OR51B5: variants seen among roughly 807,000 people sequenced by gnomAD.
The protein encoded by OR51B5 is olfactory receptor family 51 subfamily B member 5, also known as olfactory receptor 51B5.
For synonymous variants in OR51B5, 186 were observed against 144.8 expected, an observed-to-expected ratio of 1.28 and a Z score of -2.04; for missense variants, 456 against 374.6, an observed-to-expected ratio of 1.22 and a Z score of -1.79.
intron 1 of OR51B5, among the ~76,000 whole-genome samples, chr11:5,388,844 G>C (rs1207322285): frequency 6.6e-6 from 1 of 151,950 alleles, no homozygotes; most frequent in Non-Finnish European, 1.5e-5. Flanking sequence ...CAGACTTGAG[G>C]TATTCAGTAA....
Position 5,370,857 on chromosome 11 carries a change from T to C in OR51B5, n.85-23947A>G, listed in dbSNP as rs112841202. ...GTAAGCTAGTGTGACAAATGCGGGT[T>C]CTGAGAGGAGGTAATATTTCAGCTG... On this transcript the variant is annotated intron_variant and non_coding_transcript_variant, in intron 1 of 4. Coordinates refer to the OR51B5 transcript ENST00000415970. Among the ~76,000 whole-genome samples, 451 of 152,302 alleles carry C rather than the reference T, an allele frequency of 3.0e-3. 2 individuals carry two copies. The highest frequency in any genetic ancestry group is 0.011 in the African/African-American group (437 of 41,572).
At chr11:5,380,747 T>A (rs990815803) in intron 1 of OR51B5, among the ~76,000 whole-genome samples, 6 of 152,220 alleles carry the variant, frequency 3.9e-5, no homozygotes, top group African/African-American at 9.6e-5. Flanking sequence ...ATGTCTATTT[T>A]GTGCATGAGA....
chr11:5,435,418 A>T (rs1850579020), intron 1 of OR51B5, among the ~76,000 whole-genome samples: 1 of 152,162 alleles, frequency 6.6e-6, no homozygotes, highest in African/African-American at 2.4e-5. Flanking sequence ...TAATTTGTAA[A>T]CATGTATGTA....
In OR51B5 at chr11:5,420,599, A is replaced by G. The variant is rs371858868; in HGVS notation, n.85-73689T>C. On this transcript the variant is annotated intron_variant and non_coding_transcript_variant, in intron 1 of 4. Transcript: ENST00000415970. Reference sequence around the variant, plus strand: ...TGCTACAGAGAAAATTTCACTTTTAAAGATTATATCTACTTGTCTTTCTCT... The same window carrying G: ...TGCTACAGAGAAAATTTCACTTTTAGAGATTATATCTACTTGTCTTTCTCT... Among the ~76,000 whole-genome samples the G allele has an allele frequency of 4.5e-4, 68 of 152,154 alleles. 1 individual carries two copies. The South Asian group carries it at 0.014, about 31-fold the overall frequency.
At chr11:5,466,492 C>A (rs1851140526) in intron 1 of OR51B5, among the ~76,000 whole-genome samples, 1 of 152,048 alleles carries the variant, frequency 6.6e-6, no homozygotes, top group Non-Finnish European at 1.5e-5. Flanking sequence ...TAGATGCAGA[C>A]ACTGAAATGT....
chr11:5,438,816 C>G (rs991282291), intron 1 of OR51B5, among the ~76,000 whole-genome samples: 1 of 152,096 alleles, frequency 6.6e-6, no homozygotes, highest in African/African-American at 2.4e-5. Flanking sequence ...TAAATATATC[C>G]TGTGGAGTGG....
chr11:5,411,639 T>C (rs575554400), intron 1 of OR51B5, among the ~76,000 whole-genome samples: 4 of 152,306 alleles, frequency 2.6e-5, no homozygotes, highest in Admixed American at 2.6e-4. Flanking sequence ...TCTGAATATG[T>C]TGGTTTACAT....
chr11:5,423,061 G>A (rs759576333), intron 1 of OR51B5: 243 of 1,613,946 alleles, frequency 1.5e-4, no homozygotes, highest in Non-Finnish European at 1.8e-4. Flanking sequence ...TGGCACCCCC[G>A]GTGATGAACC....
intron 1 of OR51B5, among the ~76,000 whole-genome samples, chr11:5,357,491 C>T (rs1386225764): frequency 6.6e-6 from 1 of 152,088 alleles, no homozygotes; most frequent in Non-Finnish European, 1.5e-5. Context: ...CCTTAGAGAC[C>T]TACAAAGAGA....
intron 1 of OR51B5, among the ~76,000 whole-genome samples, chr11:5,378,539 A>G (rs185897418): frequency 1.3e-5 from 2 of 152,332 alleles, no homozygotes; most frequent in East Asian, 3.9e-4. Flanking sequence ...ACACAATGGG[A>G]GAAAATTTTC....
At chr11:5,494,470 A>G (rs1199840520) in intron 1 of OR51B5, among the ~76,000 whole-genome samples, 1 of 152,182 alleles carries the variant, frequency 6.6e-6, no homozygotes, top group Non-Finnish European at 1.5e-5. Flanking sequence ...CAGCACAGGA[A>G]CCATACTTTA....
In OR51B5 at chr11:5,388,119, G is replaced by A. The variant is rs565848008; in HGVS notation, n.85-41209C>T. ...ATAATTATTGAAATAATTGAATATT[G>A]AAATAATTATTGAAATAAGATTAAT... On this transcript the variant is annotated intron_variant and non_coding_transcript_variant, in intron 1 of 4. Transcript: ENST00000415970. 2.3e-3 allele frequency among the ~76,000 whole-genome samples: 349 copies of A among 151,964 alleles called. 2 individuals are homozygous for A. Among genetic ancestry groups the A allele is most frequent in the African/African-American group, 8.1e-3 (335 of 41,462 alleles).
At chr11:5,468,194 A>C (rs1430166007) in intron 1 of OR51B5, among the ~76,000 whole-genome samples, 5 of 152,236 alleles carry the variant, frequency 3.3e-5, no homozygotes, top group Admixed American at 1.3e-4. Context: ...ACTTGAAAGC[A>C]TAGATGTTAT....
chr11:5,373,685 C>T (rs566010629), intron 1 of OR51B5, among the ~76,000 whole-genome samples: 1 of 152,336 alleles, frequency 6.6e-6, no homozygotes, highest in South Asian at 2.1e-4. Flanking sequence ...ATATCCTGCA[C>T]ATGGCTCCGA....
intron 1 of OR51B5, among the ~76,000 whole-genome samples, chr11:5,473,011 C>G (rs1851251564): frequency 6.6e-6 from 1 of 152,230 alleles, no homozygotes; most frequent in Non-Finnish European, 1.5e-5. Context: ...TGCCACCCTA[C>G]TGCCAGACCT....
chr11:5,354,199 T>C (rs111619048), intron 1 of OR51B5, among the ~76,000 whole-genome samples: 2,244 of 152,314 alleles, frequency 0.015, 58 homozygotes, highest in African/African-American at 0.051. Context: ...TTCCAAGATA[T>C]GGGCAATGTA....
At chr11:5,354,625 C>G (rs1036873288) in intron 1 of OR51B5, 1 of 158,830 alleles carries the variant, frequency 6.3e-6, no homozygotes, top group South Asian at 1.8e-4. Context: ...TCCCCACTTC[C>G]TCCCGCCCCT....
chr11:5,434,495 G>A (rs909292115), intron 1 of OR51B5, among the ~76,000 whole-genome samples: 1 of 152,126 alleles, frequency 6.6e-6, no homozygotes, highest in Non-Finnish European at 1.5e-5. Context: ...GTCACTTAAG[G>A]GACAGAAGGG....
At chr11:5,500,244 T>C (rs1851698526) in intron 1 of OR51B5, among the ~76,000 whole-genome samples, 1 of 152,198 alleles carries the variant, frequency 6.6e-6, no homozygotes, top group Non-Finnish European at 1.5e-5. Flanking sequence ...CTTGAAACCG[T>C]TCTAAATCAC....
Sources: gnomAD v4.1 joint callset for allele counts (sites outside exome capture counted in the v4.1 genomes callset) on GRCh38, gnomAD v4.1.1 for gene constraint, MANE v1.5 for transcripts, NCBI Gene and HGNC (gene_info 2026-07-23, HGNC 2026-07-21) for gene names.